CEP135: variants seen among roughly 807,000 people sequenced by gnomAD.
CEP135 encodes centrosomal protein of 135 kDa.
Under a neutral mutation model 157.3 loss-of-function variants are expected in CEP135, and 142 were observed. That is an observed-to-expected ratio of 0.90 (90% CI 0.79 to 1.04). The LOEUF is 1.04. Among genes scored for constraint, CEP135 ranks in the 50% least tolerant of loss-of-function variants. The pLI is 0.00. For synonymous variants in CEP135, 396 were observed against 439.8 expected (o/e 0.90, Z 1.25); for missense variants, 1,317 against 1,309.2 (o/e 1.01, Z -0.09).
At chr4:55,985,224 G>T in intron 13 of CEP135, 57 bp from the exon 14 acceptor site, 2 of 883,494 alleles carry the variant, frequency 2.3e-6, no homozygotes, top group Non-Finnish European at 3.7e-6. Flanking sequence ...GCTTACTGTG[G>T]TGATTTTGTT....
At chr4:56,003,732 TG>T (rs1421822414) in intron 17 of CEP135, among the ~76,000 whole-genome samples, 1 of 151,932 alleles carries the variant, frequency 6.6e-6, no homozygotes, top group African/African-American at 2.4e-5. Flanking sequence ...TTTTTTTTTT[TG>T]TTTTTGAGAC....
At chr4:55,989,197 T>C (rs1249121567) in intron 14 of CEP135, among the ~76,000 whole-genome samples, 1 of 152,184 alleles carries the variant, frequency 6.6e-6, no homozygotes, top group Non-Finnish European at 1.5e-5. Context: ...TAAAGGTTAC[T>C]TACAGCCTTG....
Position 55,980,000 on chromosome 4 carries a change from A to G in CEP135, c.1474-143A>G. 5 of 700,330 alleles carry G rather than the reference A, an allele frequency of 7.1e-6. No homozygotes were observed. The South Asian group carries it at 7.6e-5, about 11-fold the overall frequency. The allele number at this position is 700,330 out of a possible 1,614,324, so 43.4% of individuals were successfully genotyped here. Reference sequence around the variant, plus strand: ...GTGCTCTCATCTGCTCTCATCATAGATTTTTAAAACTGTGTTCCTTAATTA... The same window carrying G: ...GTGCTCTCATCTGCTCTCATCATAGGTTTTTAAAACTGTGTTCCTTAATTA... On this transcript the variant is annotated intron_variant, in intron 11 of 25. Coordinates refer to ENST00000257287, the MANE Select transcript of CEP135 (RefSeq NM_025009.5).
intron 11 of CEP135, 38 bp downstream of exon 11, chr4:55,975,007 T>A (rs759938384): frequency 7.1e-7 from 1 of 1,412,418 alleles, no homozygotes; most frequent in African/African-American, 1.4e-5. Context: ...GAAAGTATCT[T>A]TATGAATAAA....
In CEP135 at chr4:55,985,356, C is replaced by T; in HGVS notation, c.1855C>T (p.Gln619Ter). Residue 619 changes from glutamine (Q) to a stop codon, truncating the protein, a stop_gained and splice_region_variant, in exon 14 of 26, where the codon CAG becomes TAG. Transcript: ENST00000257287. LOFTEE classifies it high-confidence loss of function. Reference protein sequence around the residue: ...TIEHLTCVNHQLESEKYELKS... With the variant: ...TIEHLTCVNH ...TGAACATTTGACATGTGTTAATCATCAGGTAATGTATCAAACTGGATTTGG... is the reference window on the plus strand; with the variant it reads ...TGAACATTTGACATGTGTTAATCATTAGGTAATGTATCAAACTGGATTTGG... 6.4e-7 allele frequency: 1 copy of T among 1,567,612 alleles called. No homozygotes were observed. Among genetic ancestry groups the T allele is most frequent in the Non-Finnish European group, 8.8e-7 (1 of 1,142,030 alleles).
At chr4:56,030,461 T>A (rs1240081392) in intron 25 of CEP135, among the ~76,000 whole-genome samples, 7 of 152,182 alleles carry the variant, frequency 4.6e-5, no homozygotes, top group Admixed American at 4.6e-4. Context: ...TGTTTTGTTT[T>A]AGAGACAAGG....
intron 17 of CEP135, among the ~76,000 whole-genome samples, chr4:56,002,622 T>C (rs1180998941): frequency 6.6e-6 from 1 of 152,170 alleles, no homozygotes. Context: ...TTAAAAAATA[T>C]TGTTGAATTT....
intron 21 of CEP135, among the ~76,000 whole-genome samples, chr4:56,012,374 C>T (rs1347294705): frequency 1.3e-5 from 2 of 152,158 alleles, no homozygotes; most frequent in African/African-American, 4.8e-5. Flanking sequence ...ACTTTATTGA[C>T]CTGAGGTCGT....
At chr4:56,019,659 G>C (rs1560425463) in intron 23 of CEP135, 104 bp downstream of exon 23, 2 of 883,540 alleles carry the variant, frequency 2.3e-6, no homozygotes, top group Non-Finnish European at 1.7e-6. Flanking sequence ...AGATAGGCCA[G>C]GTGCAGTGGC....
chr4:56,028,062 A>G (rs557943696), intron 25 of CEP135, among the ~76,000 whole-genome samples: 1 of 152,338 alleles, frequency 6.6e-6, no homozygotes, highest in East Asian at 1.9e-4. Flanking sequence ...TTCACTTAGA[A>G]TAATATTTTC....
At chr4:56,021,153 G>C (rs1730962402) in intron 24 of CEP135, among the ~76,000 whole-genome samples, 1 of 152,032 alleles carries the variant, frequency 6.6e-6, no homozygotes, top group African/African-American at 2.4e-5. Flanking sequence ...ATCCCTATAA[G>C]AGCTCCAAAA....
intron 6 of CEP135, among the ~76,000 whole-genome samples, chr4:55,961,764 T>TTAAA (rs1491538066): frequency 1.8e-5 from 1 of 54,186 alleles, no homozygotes; most frequent in African/African-American, 7.8e-5. Context: ...AAACTCTGTC[T>TTAAA]AAAAAAAAAA....
In CEP135 at chr4:56,020,690, G is replaced by A. The variant is rs41280347; in HGVS notation, c.3230G>A (p.Arg1077Gln). 151 of 1,613,286 alleles carry A rather than the reference G, an allele frequency of 9.4e-5. No individual in the cohort carries two copies. Among genetic ancestry groups the A allele is most frequent in the Admixed American group, 3.2e-4 (19 of 59,954 alleles). ...TTGTTTTTAAGAACTAGTCAAAGCC[G>A]GGAAAACACCATGCTTCGAGCTAAA... Reference protein sequence around the residue: ...LSESKLTSQSRENTMLRAKVA... With the variant: ...LSESKLTSQSQENTMLRAKVA... Residue 1077 changes from arginine (R) to glutamine (Q), a missense_variant, in exon 24 of 26, where the codon CGG (arginine) becomes CAG (glutamine). By Grantham distance (43) the Arg-to-Gln change is conservative. Coordinates refer to ENST00000257287, the MANE Select transcript of CEP135 (RefSeq NM_025009.5).
At chr4:56,020,647 A>G in intron 23 of CEP135, 29 bp from the exon 24 acceptor site, 1 of 1,592,698 alleles carries the variant, frequency 6.3e-7, no homozygotes, top group Non-Finnish European at 8.6e-7. Flanking sequence ...CGGAACGTTT[A>G]TTTCTTGATT....
chr4:55,957,804 T>C (rs1390487411), intron 5 of CEP135, among the ~76,000 whole-genome samples: 3 of 152,232 alleles, frequency 2.0e-5, no homozygotes. Flanking sequence ...ATTTGAATCA[T>C]ATATAAATTC....
chr4:55,967,506 G>A (rs1489172812), intron 8 of CEP135, among the ~76,000 whole-genome samples: 7 of 152,128 alleles, frequency 4.6e-5, no homozygotes, highest in Admixed American at 2.6e-4. Flanking sequence ...TTATAAAAGG[G>A]AGGGTAGGAA....
chr4:56,017,732 CAAG>C lies in CEP135; in HGVS notation c.2892_2894del (p.Glu964del). 6.2e-7 allele frequency: 1 copy of C among 1,613,868 alleles called. No individual in the cohort carries two copies. Among genetic ancestry groups the C allele is most frequent in the Non-Finnish European group, 8.5e-7 (1 of 1,179,952 alleles). The stretch of plus-strand genomic sequence containing the variant: ...TCGATTAGAAGAAGAGCTGAGACAT[CAAG>C]AAGATGAGAAAGCAACAGTATTAAA... On this transcript the variant is annotated inframe_deletion, in exon 22 of 26. Coordinates refer to ENST00000257287, the MANE Select transcript of CEP135 (RefSeq NM_025009.5).
Position 55,969,230 on chromosome 4 carries a change from C to T in CEP135, c.1110+102C>T. On this transcript the variant is annotated intron_variant, in intron 9 of 25. Transcript: ENST00000257287. ...CTGAGGTCAGGAGTTCGAGACCATC[C>T]AGCCACATCAACATGGCGAAACCCC... is the stretch of plus-strand genomic sequence containing the variant. 3 of 850,962 alleles carry T rather than the reference C, an allele frequency of 3.5e-6. No homozygotes were observed. The South Asian group carries it at 4.8e-5, about 14-fold the overall frequency. 52.7% of individuals were successfully genotyped at this position (850,962 alleles called of 1,614,324 possible).
chr4:55,982,736 A>G (rs1403245435), intron 13 of CEP135, among the ~76,000 whole-genome samples: 1 of 152,114 alleles, frequency 6.6e-6, no homozygotes, highest in Non-Finnish European at 1.5e-5. Flanking sequence ...TTTCTCAGTG[A>G]TGTCTTTGAA....
Sources: gnomAD v4.1 joint callset for allele counts (sites outside exome capture counted in the v4.1 genomes callset) on GRCh38, gnomAD v4.1.1 for gene constraint, MANE v1.5 for transcripts, NCBI Gene and HGNC (gene_info 2026-07-23, HGNC 2026-07-21) for gene names.